PCDHA6: variants seen among roughly 807,000 people sequenced by gnomAD.
PCDHA6 encodes the protein protocadherin alpha-6.
In PCDHA6, 55 loss-of-function variants were observed where a neutral mutation model predicts 60.3. The ratio of observed to expected loss-of-function variants is 0.91; its 90% CI spans 0.73 to 1.14. The LOEUF (loss-of-function observed/expected upper bound fraction) is 1.14, where lower values mean the gene tolerates loss of function less well. Ranked by LOEUF, PCDHA6 falls within the 50% of genes most tolerant of loss-of-function variation. PCDHA6 has a pLI of 0.00. For missense variants in PCDHA6, 1,327 were observed against 1,256.5 expected (o/e 1.06, Z -0.85); for synonymous variants, 652 against 557.9 (o/e 1.17, Z -2.38).
At chr5:141,004,331 C>G (rs1244942275) in intron 3 of PCDHA6, among the ~76,000 whole-genome samples, 1 of 152,210 alleles carries the variant, frequency 6.6e-6, no homozygotes, top group Non-Finnish European at 1.5e-5. Flanking sequence ...AGGTGAGGCA[C>G]AGTGGTCTGT....
chr5:140,942,410 A>T (rs1047414912), intron 1 of PCDHA6, among the ~76,000 whole-genome samples: 3 of 142,238 alleles, frequency 2.1e-5, no homozygotes, highest in Non-Finnish European at 3.1e-5. Context: ...GACTCTGTTT[A>T]AAAAAAAAAA....
chr5:140,840,869 C>T (rs1554137936), intron 1 of PCDHA6, among the ~76,000 whole-genome samples: 1 of 151,888 alleles, frequency 6.6e-6, no homozygotes, highest in Admixed American at 6.5e-5. Flanking sequence ...CTATGGAGGA[C>T]AGTTTACATT....
At chr5:140,889,054 T>C in intron 1 of PCDHA6, among the ~76,000 whole-genome samples, 1 of 152,100 alleles carries the variant, frequency 6.6e-6, no homozygotes, top group Non-Finnish European at 1.5e-5. Flanking sequence ...TTTATAATCC[T>C]TTTAATATAC....
chr5:140,849,536 T>C lies in PCDHA6; in HGVS notation c.2394+19051T>C, dbSNP rs2150439955. On this transcript the variant is annotated intron_variant, in intron 1 of 3. Transcript: ENST00000529310. ...AAGTTGTGGATGTAAATGACAATGC[T>C]CCACAGTTGACTATCAAAACGCTCT... The C allele has an allele frequency of 1.9e-6, 3 of 1,597,980 alleles. 1 individual carries two copies. Among genetic ancestry groups the C allele is most frequent in the Non-Finnish European group, 2.6e-6 (3 of 1,167,716 alleles).
At chr5:140,916,628 C>T (rs1311862991) in intron 1 of PCDHA6, among the ~76,000 whole-genome samples, 1 of 152,188 alleles carries the variant, frequency 6.6e-6, no homozygotes, top group Non-Finnish European at 1.5e-5. Context: ...ACTCAATGCC[C>T]TATCCTACTG....
intron 1 of PCDHA6, among the ~76,000 whole-genome samples, chr5:140,900,747 CTTGGTAGCTCTATT>C (rs545406022): frequency 3.1e-4 from 47 of 152,302 alleles, no homozygotes; most frequent in African/African-American, 1.1e-3. Flanking sequence ...TTCTGGATCA[CTTGGTAGCTCTATT>C]TTTGGCTTTT....
intron 1 of PCDHA6, chr5:140,928,053 G>C: frequency 6.2e-7 from 1 of 1,614,212 alleles, no homozygotes; most frequent in Non-Finnish European, 8.5e-7. Context: ...CTTTTCAGCT[G>C]ACGGCTTCCT....
chr5:140,851,789 C>G, intron 1 of PCDHA6: 1 of 955,732 alleles, frequency 1.0e-6, no homozygotes, highest in Non-Finnish European at 1.3e-6. Context: ...TGAGAATTCA[C>G]TTGTTCTGTC....
intron 1 of PCDHA6, among the ~76,000 whole-genome samples, chr5:140,872,514 T>G (rs1223185665): frequency 1.3e-5 from 2 of 152,108 alleles, no homozygotes; most frequent in East Asian, 3.9e-4. Context: ...GTAGTCCCAG[T>G]TTCTTGGGAG....
At chr5:140,924,104 C>A (rs538996937) in intron 1 of PCDHA6, among the ~76,000 whole-genome samples, 20 of 152,306 alleles carry the variant, frequency 1.3e-4, no homozygotes, top group Middle Eastern at 6.8e-3. Context: ...AATTTTCATT[C>A]CAAAGCAGTT....
chr5:141,000,651 C>G (rs1325110453), intron 3 of PCDHA6, among the ~76,000 whole-genome samples: 2 of 151,708 alleles, frequency 1.3e-5, no homozygotes, highest in African/African-American at 4.8e-5. Flanking sequence ...TGGTCTCGAA[C>G]TCCTGACCTC....
At chr5:140,927,602 T>G (rs2084408838) in intron 1 of PCDHA6, 1 of 1,614,104 alleles carries the variant, frequency 6.2e-7, no homozygotes, top group African/African-American at 1.3e-5. Context: ...GAGCGCTCCG[T>G]ATACCGCACC....
At chr5:140,834,441 A>T in intron 1 of PCDHA6, 1 of 1,613,992 alleles carries the variant, frequency 6.2e-7, no homozygotes, top group Non-Finnish European at 8.5e-7. Context: ...GTTTATTATA[A>T]TTCTAGCAGC....
At chr5:140,945,190 G>A (rs1372387920) in intron 1 of PCDHA6, among the ~76,000 whole-genome samples, 1 of 152,000 alleles carries the variant, frequency 6.6e-6, no homozygotes, top group Non-Finnish European at 1.5e-5. Flanking sequence ...AGAAAACCAT[G>A]CTATTTACAA....
chr5:140,967,955 A>C (rs1422637534), intron 1 of PCDHA6: 5 of 1,614,078 alleles, frequency 3.1e-6, no homozygotes, highest in Non-Finnish European at 4.2e-6. Flanking sequence ...CTCAGGCCCC[A>C]ACCGGAAAGT....
chr5:140,922,176 C>CA (rs3836750), intron 1 of PCDHA6, among the ~76,000 whole-genome samples: 11 of 150,702 alleles, frequency 7.3e-5, no homozygotes, highest in East Asian at 5.8e-4. Flanking sequence ...GTACAGCAGA[C>CA]AAAAAAAAAG....
intron 3 of PCDHA6, among the ~76,000 whole-genome samples, chr5:140,985,796 G>GTGC (rs1245486198): frequency 7.1e-6 from 1 of 140,828 alleles, no homozygotes; most frequent in Non-Finnish European, 1.5e-5. Flanking sequence ...CTGGAGTGCA[G>GTGC]TGGCACGATC....
chr5:140,832,690 A>G (rs1294300661), intron 1 of PCDHA6, among the ~76,000 whole-genome samples: 2 of 152,206 alleles, frequency 1.3e-5, no homozygotes, highest in East Asian at 3.8e-4. Context: ...AATTAACAAG[A>G]CCTGGCTTCA....
intron 1 of PCDHA6, among the ~76,000 whole-genome samples, chr5:140,894,320 G>T (rs191376863): frequency 1.1e-3 from 163 of 152,016 alleles, no homozygotes; most frequent in Non-Finnish European, 1.7e-3. Flanking sequence ...TTAAATTATA[G>T]ATTTTAGTAT....
Sources: gnomAD v4.1 joint callset for allele counts (sites outside exome capture counted in the v4.1 genomes callset) on GRCh38, gnomAD v4.1.1 for gene constraint, MANE v1.5 for transcripts, NCBI Gene and HGNC (gene_info 2026-07-23, HGNC 2026-07-21) for gene names.